The following TRAM2 variants were observed in gnomAD, a reference collection of about 807,000 sequenced individuals.
The protein encoded by TRAM2 is translocating chain-associated membrane protein 2.
In TRAM2, 12 loss-of-function variants were observed where a neutral mutation model predicts 51.0. The ratio of observed to expected loss-of-function variants is 0.24; its 90% CI spans 0.15 to 0.38. TRAM2 has a LOEUF of 0.38. TRAM2 is among the 10% of genes least tolerant of loss of function. TRAM2 has a pLI of 1.00. For missense variants in TRAM2, 361 were observed against 462.0 expected (o/e 0.78, Z 2.00); for synonymous variants, 175 against 179.4 (o/e 0.98, Z 0.20).
At chr6:52,563,137 G>A (rs1327091708) in intron 1 of TRAM2, among the ~76,000 whole-genome samples, 1 of 152,188 alleles carries the variant, frequency 6.6e-6, no homozygotes, top group Non-Finnish European at 1.5e-5. Context: ...TGACCCAAGT[G>A]TCCATCAAAA....
At chr6:52,522,364 G>A (rs368729500) in intron 2 of TRAM2, among the ~76,000 whole-genome samples, 2 of 152,372 alleles carry the variant, frequency 1.3e-5, no homozygotes, top group South Asian at 2.1e-4. Flanking sequence ...AGTGGCTGGA[G>A]TCCCAATGTT....
chr6:52,558,084 C>G (rs1439314108), intron 1 of TRAM2, among the ~76,000 whole-genome samples: 1 of 152,180 alleles, frequency 6.6e-6, no homozygotes, highest in Non-Finnish European at 1.5e-5. Flanking sequence ...CAGCAGCGCC[C>G]TTCTCCTGCC....
rs778583048 is a variant in TRAM2, at chr6:52,509,525, C to A, written c.470+3G>T. On this transcript the variant is annotated splice_donor_region_variant and intron_variant, in intron 5 of 10. Coordinates refer to ENST00000182527, the MANE Select transcript of TRAM2 (RefSeq NM_012288.4). ...CCTGGGGCTGAGTCAACAGAATACT[C>A]ACGGGAGGTGCACATGCGGGTAGTC... 6.2e-7 allele frequency: 1 copy of A among 1,613,914 alleles called. No homozygotes were observed. The highest frequency in any genetic ancestry group is 1.3e-5 in the African/African-American group (1 of 74,910).
chr6:52,566,322 T>C (rs1367242667), intron 1 of TRAM2, among the ~76,000 whole-genome samples: 1 of 152,052 alleles, frequency 6.6e-6, no homozygotes, highest in East Asian at 1.9e-4. Flanking sequence ...GAGCTGAGAA[T>C]GGCCTTGCAG....
At chr6:52,566,950 C>T (rs757600660) in intron 1 of TRAM2, among the ~76,000 whole-genome samples, 2 of 152,222 alleles carry the variant, frequency 1.3e-5, no homozygotes, top group Non-Finnish European at 2.9e-5. Flanking sequence ...CTGTACTTGC[C>T]TCCTTTTATC....
intron 4 of TRAM2, among the ~76,000 whole-genome samples, chr6:52,512,341 T>C (rs930082624): frequency 5.3e-5 from 8 of 152,132 alleles, no homozygotes; most frequent in African/African-American, 1.9e-4. Flanking sequence ...CAGAAAAATG[T>C]TGCCTGCTTG....
chr6:52,504,096 G>C (rs1424963511), intron 10 of TRAM2, among the ~76,000 whole-genome samples: 1 of 152,200 alleles, frequency 6.6e-6, no homozygotes, highest in Non-Finnish European at 1.5e-5. Context: ...ACGGGCCAAA[G>C]GATAAGTGTC....
intron 2 of TRAM2, among the ~76,000 whole-genome samples, chr6:52,528,578 G>C (rs1241411346): frequency 6.6e-6 from 1 of 152,116 alleles, no homozygotes; most frequent in Non-Finnish European, 1.5e-5. Flanking sequence ...AGGTTGTTTT[G>C]ACTGCAGCAA....
At chr6:52,522,159 G>A (rs749568952) in intron 2 of TRAM2, among the ~76,000 whole-genome samples, 2 of 152,220 alleles carry the variant, frequency 1.3e-5, no homozygotes, top group Non-Finnish European at 2.9e-5. Context: ...ACAAGTTTAA[G>A]AGATATCCAC....
intron 5 of TRAM2, 38 bp from the exon 6 acceptor site, chr6:52,508,356 GAA>G (rs1562475425): frequency 1.9e-6 from 3 of 1,597,362 alleles, no homozygotes; most frequent in South Asian, 1.1e-5. Flanking sequence ...GCAGGATAGA[GAA>G]AAGTGTCCCT....
At chr6:52,510,030 T>C (rs1766424961) in intron 4 of TRAM2, among the ~76,000 whole-genome samples, 1 of 152,140 alleles carries the variant, frequency 6.6e-6, no homozygotes, top group African/African-American at 2.4e-5. Context: ...GCCTCCATAA[T>C]GAATAAGCAA....
chr6:52,507,756 C>A (rs373135793), intron 6 of TRAM2, 133 bp from the exon 7 acceptor site: 2 of 767,800 alleles, frequency 2.6e-6, no homozygotes, highest in Admixed American at 2.4e-5. Context: ...CCATGTCCCA[C>A]GAGTCCCACA....
intron 10 of TRAM2, 61 bp from the exon 11 acceptor site, chr6:52,503,331 G>A (rs1459065815): frequency 6.6e-7 from 1 of 1,509,734 alleles, no homozygotes; most frequent in Non-Finnish European, 9.2e-7. Context: ...GCAGAAGAGG[G>A]GAGGGTGGGG....
chr6:52,570,801 C>CCT (rs1554267162), intron 1 of TRAM2, among the ~76,000 whole-genome samples: 1 of 119,542 alleles, frequency 8.4e-6, no homozygotes, highest in African/African-American at 3.1e-5. Flanking sequence ...CACCACCCCC[C>CCT]CCCCCACACG....
intron 7 of TRAM2, among the ~76,000 whole-genome samples, chr6:52,506,604 G>A (rs981607901): frequency 2.6e-5 from 4 of 152,154 alleles, no homozygotes; most frequent in Admixed American, 1.3e-4. Context: ...CTGCTTATAC[G>A]TTCTTCCCCG....
At chr6:52,521,648 G>T in intron 2 of TRAM2, among the ~76,000 whole-genome samples, 1 of 151,848 alleles carries the variant, frequency 6.6e-6, no homozygotes, top group East Asian at 1.9e-4. Context: ...AGTGAGCCGA[G>T]ATTGCGCCAC....
At chr6:52,567,527 A>G (rs1562490359) in intron 1 of TRAM2, among the ~76,000 whole-genome samples, 1 of 152,238 alleles carries the variant, frequency 6.6e-6, no homozygotes, top group Non-Finnish European at 1.5e-5. Flanking sequence ...AATGACAGAA[A>G]TGTTTCTTTT....
In TRAM2 at chr6:52,501,280, G is replaced by A. The variant is rs1186803496; in HGVS notation, c.*1917C>T. On this transcript the variant is annotated 3_prime_UTR_variant, in exon 11 of 11. Transcript: ENST00000182527. ...CTCTTCCCATTTCTGCAACCTTATC[G>A]TAGAGAGGGATGAAGGCCTCCAATG... 1 of 152,318 alleles carries A rather than the reference G, an allele frequency of 6.6e-6. No individual in the cohort carries two copies. The highest frequency in any genetic ancestry group is 1.9e-4 in the East Asian group (1 of 5,184). The allele number at this position is 152,318 out of a possible 1,614,324, so 9.4% of individuals were successfully genotyped here.
In TRAM2 at chr6:52,504,718, G is replaced by T; in HGVS notation, c.912C>A (p.Ala304=). The T allele has an allele frequency of 6.2e-7, 1 of 1,610,738 alleles. No individual in the cohort carries two copies. Among genetic ancestry groups the T allele is most frequent in the Non-Finnish European group, 8.5e-7 (1 of 1,179,136 alleles). ...AGTGGATGAAGCGCCACATGAGCCA[G>T]GCCTGGGCGGCACACACCAGCAGCA... ...CVLLLVCAAQ[A]WLMWRFIHSQ... The change falls in exon 10 of 11, where the codon GCC becomes GCA. Residue 304 remains alanine, a synonymous_variant. Transcript: ENST00000182527.
Sources: allele counts gnomAD v4.1 joint callset (sites outside exome capture counted in the v4.1 genomes callset), GRCh38; gene constraint gnomAD v4.1.1; transcripts MANE v1.5; gene names NCBI Gene and HGNC (gene_info 2026-07-23, HGNC 2026-07-21).